Variants in RBFOX1 observed in about 807,000 individuals in gnomAD.
RBFOX1 encodes the protein RNA binding fox-1 homolog 1, also known as RNA binding protein fox-1 homolog 1.
In RBFOX1, 8 loss-of-function variants were observed where a neutral mutation model predicts 57.7. The ratio of observed to expected loss-of-function variants is 0.14; its 90% CI spans 0.08 to 0.25. The LOEUF is 0.25. RBFOX1 is among the 10% of genes least tolerant of loss of function. RBFOX1 has a pLI of 1.00. For missense variants in RBFOX1, 611 were observed against 548.5 expected (o/e 1.11, Z -1.14); for synonymous variants, 326 against 222.4 (o/e 1.47, Z -4.15).
intron 3 of RBFOX1, among the ~76,000 whole-genome samples, chr16:6,703,338 C>T (rs1165932149): frequency 1.3e-5 from 2 of 152,076 alleles, no homozygotes; most frequent in Non-Finnish European, 2.9e-5. Flanking sequence ...CTTAGGGAGG[C>T]TGAGGCAGGA....
chr16:7,023,395 G>A (rs1414798972), intron 3 of RBFOX1, among the ~76,000 whole-genome samples: 1 of 151,278 alleles, frequency 6.6e-6, no homozygotes, highest in Non-Finnish European at 1.5e-5. Flanking sequence ...AGGAGGCAGA[G>A]GTTGCAGTGA....
chr16:6,671,521 A>C (rs995954102), intron 3 of RBFOX1, among the ~76,000 whole-genome samples: 4 of 152,172 alleles, frequency 2.6e-5, no homozygotes, highest in African/African-American at 9.7e-5. Context: ...TCTAGGAAGG[A>C]ATTTAGGACT....
chr16:7,577,990 AAG>A (rs1289222910), intron 5 of RBFOX1, among the ~76,000 whole-genome samples: 1 of 152,256 alleles, frequency 6.6e-6, no homozygotes, highest in East Asian at 1.9e-4. Context: ...TGCATGTGAC[AAG>A]GAGGGCTGAT....
At chr16:7,003,766 T>G (rs2093047946) in intron 3 of RBFOX1, among the ~76,000 whole-genome samples, 1 of 152,142 alleles carries the variant, frequency 6.6e-6, no homozygotes, top group Admixed American at 6.5e-5. Context: ...GCACATCAAG[T>G]CTAATTTTAT....
At chr16:6,874,754 A>C (rs78312314) in intron 3 of RBFOX1, among the ~76,000 whole-genome samples, 5,252 of 152,038 alleles carry the variant, frequency 0.035, 258 homozygotes, top group East Asian at 0.21. Flanking sequence ...AAAATGACAT[A>C]ATGTACTCTT....
chr16:7,672,658 G>A (rs1393296901), intron 13 of RBFOX1, among the ~76,000 whole-genome samples: 1 of 151,826 alleles, frequency 6.6e-6, no homozygotes, highest in African/African-American at 2.4e-5. Flanking sequence ...GAGGCCAGGG[G>A]TTCAAGACGG....
intron 2 of RBFOX1, among the ~76,000 whole-genome samples, chr16:6,453,243 C>G (rs1030486153): frequency 3.9e-5 from 6 of 152,034 alleles, no homozygotes; most frequent in Admixed American, 6.6e-5. Flanking sequence ...GGTATTTGTC[C>G]TAATGCCATC....
chr16:7,689,810 G>A (rs751146049), intron 14 of RBFOX1, among the ~76,000 whole-genome samples: 1 of 152,072 alleles, frequency 6.6e-6, no homozygotes, highest in East Asian at 1.9e-4. Context: ...CAAATACCAA[G>A]AGTATGATAT....
intron 2 of RBFOX1, among the ~76,000 whole-genome samples, chr16:6,572,560 G>C (rs1246210107): frequency 6.6e-6 from 1 of 151,842 alleles, no homozygotes; most frequent in South Asian, 2.1e-4. Context: ...GTCTTCCCCA[G>C]ATGGACAGCT....
chr16:6,015,074 C>T (rs1431594238), upstream of RBFOX1, among the ~76,000 whole-genome samples: 1 of 152,114 alleles, frequency 6.6e-6, no homozygotes, highest in African/African-American at 2.4e-5. Flanking sequence ...CCAGGCTGGT[C>T]TCAAACTCCT....
At chr16:5,686,270 G>A (rs2050502291) in intron 3 of RBFOX1, among the ~76,000 whole-genome samples, 2 of 152,144 alleles carry the variant, frequency 1.3e-5, no homozygotes, top group African/African-American at 2.4e-5. Context: ...GGGCACTGTG[G>A]GGTTATGGAG....
chr16:7,559,512 T>A lies in RBFOX1; in HGVS notation c.271-20265T>A, dbSNP rs1340223224. On this transcript the variant is annotated intron_variant, in intron 5 of 15. Coordinates refer to ENST00000550418, the MANE Select transcript of RBFOX1 (RefSeq NM_018723.4). ...AAAAGTCTTTCTTTTTAGGTGGAGG[T>A]TTTGATTCAGGGAAAACACAGGCCT... 2.6e-5 allele frequency among the ~76,000 whole-genome samples: 4 copies of A among 151,946 alleles called. No individual in the cohort carries two copies. The East Asian group carries it at 7.7e-4, about 29-fold the overall frequency.
chr16:6,802,806 A>C (rs2085803203), intron 3 of RBFOX1, among the ~76,000 whole-genome samples: 1 of 152,238 alleles, frequency 6.6e-6, no homozygotes, highest in Non-Finnish European at 1.5e-5. Flanking sequence ...GGCTGACCCA[A>C]AATATTTTTC....
chr16:5,876,577 C>G (rs974854052), intron 4 of RBFOX1, among the ~76,000 whole-genome samples: 5 of 152,184 alleles, frequency 3.3e-5, no homozygotes, highest in Non-Finnish European at 7.3e-5. Flanking sequence ...GCTTCCCCTG[C>G]TACAGCTAAA....
chr16:5,294,984 C>G lies in RBFOX1; in HGVS notation c.219+54879C>G, dbSNP rs972896861. Among the ~76,000 whole-genome samples, 13 of 133,110 alleles carry G rather than the reference C, an allele frequency of 9.8e-5. 1 individual carries two copies. The highest frequency in any genetic ancestry group is 1.2e-4 in the Non-Finnish European group (7 of 59,510). The allele number at this position is 133,110 out of a possible 152,430, so 87.3% of individuals were successfully genotyped here. The stretch of plus-strand genomic sequence containing the variant: ...GGCAGAGACTGCAGTGAGCCGAGAT[C>G]GCACCATTGCACTCCAGCCTGGGTG... On this transcript the variant is annotated intron_variant, in intron 1 of 2. Transcript: ENST00000585867.
At chr16:6,400,794 C>T (rs2093038217) in intron 2 of RBFOX1, among the ~76,000 whole-genome samples, 2 of 152,076 alleles carry the variant, frequency 1.3e-5, no homozygotes, top group African/African-American at 4.8e-5. Context: ...ACTCAGGAGG[C>T]TGAGGTGGGA....
At chr16:7,373,977 A>C (rs1248398826) in intron 4 of RBFOX1, among the ~76,000 whole-genome samples, 1 of 152,202 alleles carries the variant, frequency 6.6e-6, no homozygotes, top group Non-Finnish European at 1.5e-5. Flanking sequence ...AGCAGATGGG[A>C]ATTGTCATAA....
At chr16:6,606,246 C>T (rs548209888) in intron 2 of RBFOX1, among the ~76,000 whole-genome samples, 1 of 152,160 alleles carries the variant, frequency 6.6e-6, no homozygotes, top group East Asian at 1.9e-4. Context: ...GTACTACTGC[C>T]TTTGATATTT....
At chr16:6,494,053 T>G (rs1290402144) in intron 2 of RBFOX1, among the ~76,000 whole-genome samples, 1 of 151,764 alleles carries the variant, frequency 6.6e-6, no homozygotes, top group Non-Finnish European at 1.5e-5. Flanking sequence ...GCTTTGGCAA[T>G]GTTCTTAATT....
Sources: allele counts gnomAD v4.1 joint callset (sites outside exome capture counted in the v4.1 genomes callset), GRCh38; gene constraint gnomAD v4.1.1; transcripts MANE v1.5; gene names NCBI Gene and HGNC (gene_info 2026-07-23, HGNC 2026-07-21).